The following RAB28 variants were observed in gnomAD, a reference collection of about 807,000 sequenced individuals.
RAB28 encodes RAB28, member RAS oncogene family.
A neutral mutation model predicts 31.7 loss-of-function variants in RAB28; 24 were observed. The observed-to-expected ratio is 0.76, with a 90% CI of 0.55 to 1.06. The LOEUF (loss-of-function observed/expected upper bound fraction) is 1.06, where lower values mean the gene tolerates loss of function less well. RAB28 is among the 50% of genes least tolerant of loss of function. The pLI is 0.00. For synonymous variants in RAB28, 100 were observed against 90.4 expected, an observed-to-expected ratio of 1.11 and a Z score of -0.60; for missense variants, 254 against 258.5, an observed-to-expected ratio of 0.98 and a Z score of 0.12.
In RAB28 at chr4:13,368,467, A is replaced by T. The variant is rs1361967801; in HGVS notation, c.*91T>A. 2.0e-6 allele frequency: 3 copies of T among 1,466,110 alleles called. No individual in the cohort carries two copies. Among genetic ancestry groups the T allele is most frequent in the Admixed American group, 2.7e-5 (1 of 37,610 alleles). 90.8% of individuals were successfully genotyped at this position (1,466,110 alleles called of 1,614,324 possible). On this transcript the variant is annotated 3_prime_UTR_variant, in exon 7 of 7. Transcript: ENST00000330852. ...GTAAAGTGTTAACTGAACTACAGAG[A>T]TGGTCACTGATAAAACAAGTTCCTA...
intron 4 of RAB28, among the ~76,000 whole-genome samples, chr4:13,434,277 A>G (rs1302794926): frequency 6.6e-6 from 1 of 151,770 alleles, no homozygotes; most frequent in Non-Finnish European, 1.5e-5. Flanking sequence ...CAATATGCCC[A>G]TTTAAGAAAC....
intron 4 of RAB28, among the ~76,000 whole-genome samples, chr4:13,401,558 G>A (rs570385304): frequency 9.9e-5 from 15 of 152,242 alleles, no homozygotes; most frequent in African/African-American, 2.9e-4. Flanking sequence ...GAATTTGTTC[G>A]TTTAATCTAA....
intron 5 of RAB28, 150 bp downstream of exon 5, chr4:13,381,341 C>A: frequency 2.6e-5 from 13 of 508,924 alleles, no homozygotes; most frequent in South Asian, 6.9e-5. Flanking sequence ...GTAATATAAC[C>A]AGAATAAACA....
chr4:13,376,923 T>C (rs1032118361), intron 5 of RAB28, among the ~76,000 whole-genome samples: 1 of 152,008 alleles, frequency 6.6e-6, no homozygotes, highest in African/African-American at 2.4e-5. Flanking sequence ...AACAAAACAA[T>C]CCTACTTACT....
At chr4:13,420,653 A>C (rs1373839478) in intron 4 of RAB28, among the ~76,000 whole-genome samples, 1 of 152,230 alleles carries the variant, frequency 6.6e-6, no homozygotes, top group Non-Finnish European at 1.5e-5. Flanking sequence ...CCAATGACAA[A>C]AACCACATGA....
At chr4:13,415,743 G>A (rs761249815) in intron 4 of RAB28, among the ~76,000 whole-genome samples, 2 of 152,130 alleles carry the variant, frequency 1.3e-5, no homozygotes, top group Non-Finnish European at 2.9e-5. Flanking sequence ...CGGTCCCAAT[G>A]ACCACGCAAA....
intron 3 of RAB28, among the ~76,000 whole-genome samples, chr4:13,467,230 GAATT>G (rs1458720565): frequency 1.3e-5 from 2 of 151,806 alleles, no homozygotes; most frequent in Non-Finnish European, 2.9e-5. Context: ...TAATTGGCTT[GAATT>G]AATTATTTCA....
chr4:13,445,955 C>G (rs926213414), intron 4 of RAB28, among the ~76,000 whole-genome samples: 1 of 152,200 alleles, frequency 6.6e-6, no homozygotes, highest in Non-Finnish European at 1.5e-5. Flanking sequence ...ATTAAGTCCC[C>G]TGAACCTGAG....
intron 4 of RAB28, among the ~76,000 whole-genome samples, chr4:13,412,234 T>C (rs1163501175): frequency 2.1e-5 from 3 of 143,016 alleles, no homozygotes; most frequent in Non-Finnish European, 4.6e-5. Flanking sequence ...AGAAAACTCC[T>C]TTAGAACATC....
intron 6 of RAB28, among the ~76,000 whole-genome samples, chr4:13,373,304 G>C (rs1344494381): frequency 6.6e-6 from 1 of 152,096 alleles, no homozygotes; most frequent in Non-Finnish European, 1.5e-5. Context: ...TGGGAAACTA[G>C]AACACTTGTT....
chr4:13,390,660 C>T (rs1729586288), intron 4 of RAB28, among the ~76,000 whole-genome samples: 1 of 150,362 alleles, frequency 6.7e-6, no homozygotes, highest in African/African-American at 2.4e-5. Flanking sequence ...AACTATACTA[C>T]AAGGCTACAG....
chr4:13,372,488 T>A (rs1395471552), intron 6 of RAB28, among the ~76,000 whole-genome samples: 1 of 152,082 alleles, frequency 6.6e-6, no homozygotes, highest in Non-Finnish European at 1.5e-5. Flanking sequence ...TAAAGTCCCA[T>A]CTGGTTTTGA....
chr4:13,441,708 G>GT (rs1404187777), intron 4 of RAB28, among the ~76,000 whole-genome samples: 1 of 152,180 alleles, frequency 6.6e-6, no homozygotes, highest in Non-Finnish European at 1.5e-5. Context: ...GACATTCAAT[G>GT]TAACTGTAAA....
chr4:13,458,544 A>C (rs917007108), intron 4 of RAB28, among the ~76,000 whole-genome samples: 1 of 152,156 alleles, frequency 6.6e-6, no homozygotes, highest in Non-Finnish European at 1.5e-5. Flanking sequence ...GTAAAATCTG[A>C]AATCATTTTC....
intron 4 of RAB28, among the ~76,000 whole-genome samples, chr4:13,425,622 C>CTT (rs1220310073): frequency 1.3e-5 from 2 of 152,078 alleles, no homozygotes; most frequent in Non-Finnish European, 2.9e-5. Context: ...AAATTTGGTC[C>CTT]ATATGCATTT....
intron 4 of RAB28, among the ~76,000 whole-genome samples, chr4:13,426,268 C>T (rs1713482840): frequency 6.6e-6 from 1 of 152,130 alleles, no homozygotes; most frequent in African/African-American, 2.4e-5. Flanking sequence ...GAAATTCATC[C>T]TCTTCTTAGT....
chr4:13,410,449 T>C (rs556075189), intron 4 of RAB28, among the ~76,000 whole-genome samples: 18 of 152,192 alleles, frequency 1.2e-4, no homozygotes, highest in Admixed American at 4.6e-4. Flanking sequence ...GGGTGAAATA[T>C]ATTGCAAACC....
chr4:13,408,438 A>C (rs1315267702), intron 4 of RAB28, among the ~76,000 whole-genome samples: 1 of 151,994 alleles, frequency 6.6e-6, no homozygotes, highest in Non-Finnish European at 1.5e-5. Flanking sequence ...GGATTTTCAA[A>C]CTGATGGTCA....
At chr4:13,377,589 T>C (rs1292620498) in intron 5 of RAB28, among the ~76,000 whole-genome samples, 1 of 152,118 alleles carries the variant, frequency 6.6e-6, no homozygotes, top group Non-Finnish European at 1.5e-5. Flanking sequence ...TAAAATCTGG[T>C]AGGCTACTGG....
Sources: gnomAD v4.1 joint callset for allele counts (sites outside exome capture counted in the v4.1 genomes callset) on GRCh38, gnomAD v4.1.1 for gene constraint, MANE v1.5 for transcripts, NCBI Gene and HGNC (gene_info 2026-07-23, HGNC 2026-07-21) for gene names.